The following KIR3DL2 variants were observed in gnomAD, a reference collection of about 807,000 sequenced individuals.
The protein encoded by KIR3DL2 is killer cell immunoglobulin-like receptor 3DL2.
A neutral mutation model predicts 41.6 loss-of-function variants in KIR3DL2; 42 were observed. The ratio of observed to expected loss-of-function variants is 1.01; its 90% CI spans 0.79 to 1.31. The LOEUF (loss-of-function observed/expected upper bound fraction) is 1.31. KIR3DL2 is among the 50% of genes most tolerant of loss of function. The probability of loss-of-function intolerance (pLI) is 0.00; values close to 1 mark genes in which losing one functional copy is unlikely to be tolerated. For missense variants in KIR3DL2, 728 were observed against 576.8 expected, an observed-to-expected ratio of 1.26 and a Z score of -2.68; for synonymous variants, 230 against 221.3, an observed-to-expected ratio of 1.04 and a Z score of -0.35.
chr19:54,855,803 TC>T lies in KIR3DL2; in HGVS notation c.842del (p.Pro281LeufsTer62), dbSNP rs2145619080. 5 of 1,613,242 alleles carry T rather than the reference TC, an allele frequency of 3.1e-6. No homozygotes were observed. Among genetic ancestry groups the T allele is most frequent in the Non-Finnish European group, 4.2e-6 (5 of 1,179,862 alleles). ...KVNRTFQADFPLGPATHGGTY... is the reference protein window; with the variant it reads ...KVNRTFQADFXLGPATHGGTY... ...TCAACAGAACATTCCAGGCAGACTT[TC>T]CTCTGGGCCCTGCCACCCACGGAGG... On this transcript the variant is annotated frameshift_variant, in exon 5 of 9. Coordinates refer to ENST00000326321, the MANE Select transcript of KIR3DL2 (RefSeq NM_006737.4). LOFTEE classifies it high-confidence loss of function.
chr19:54,855,556 A>T (rs2064678674), intron 4 of KIR3DL2, 63 bp from the exon 5 acceptor site: 1 of 1,577,928 alleles, frequency 6.3e-7, no homozygotes, highest in Admixed American at 2.0e-5. Flanking sequence ...TTCTCAGCTC[A>T]GGTATGAGGG....
intron 6 of KIR3DL2, among the ~76,000 whole-genome samples, chr19:54,863,041 T>G (rs1194289632): frequency 8.8e-6 from 1 of 113,310 alleles, no homozygotes; most frequent in Non-Finnish European, 1.7e-5. Context: ...GAGTGTGATG[T>G]TCCCCTTCCT....
intron 2 of KIR3DL2, among the ~76,000 whole-genome samples, chr19:54,851,728 T>C (rs113619194): frequency 0.028 from 4,251 of 151,808 alleles, 131 homozygotes; most frequent in Middle Eastern, 0.065. Context: ...ATGCCCTCCA[T>C]GCCGTGTCTA....
rs1268921382 is a variant in KIR3DL2, at chr19:54,852,299, CT to C, written c.355+18del. 2 of 1,600,718 alleles carry C rather than the reference CT, an allele frequency of 1.2e-6. No homozygotes were observed. Among genetic ancestry groups the C allele is most frequent in the African/African-American group, 2.7e-5 (2 of 73,958 alleles). On this transcript the variant is annotated intron_variant, in intron 3 of 8. Coordinates refer to ENST00000326321, the MANE Select transcript of KIR3DL2 (RefSeq NM_006737.4). ...TGGTCACAGGTCAGAGGCTTTCTGT[CT>C]GGGCTTCTCACTGTCCCACCTCCTG...
chr19:54,859,874 C>G (rs1374499090), intron 6 of KIR3DL2, among the ~76,000 whole-genome samples: 437 of 151,634 alleles, frequency 2.9e-3, no homozygotes, highest in African/African-American at 0.01. Context: ...TGTTCCTTGG[C>G]TCCTGGTACC....
chr19:54,866,155 G>A (rs2065497666), intron 7 of KIR3DL2, among the ~76,000 whole-genome samples: 3 of 152,064 alleles, frequency 2.0e-5, no homozygotes, highest in South Asian at 4.1e-4. Flanking sequence ...TTCCATGACA[G>A]GCAGAAAGTG....
chr19:54,856,044 G>T, intron 5 of KIR3DL2, 132 bp downstream of exon 5: 1 of 1,196,616 alleles, frequency 8.4e-7, no homozygotes, highest in Non-Finnish European at 1.2e-6. Flanking sequence ...GGGGGGGTCA[G>T]GGTGCAGGAT....
intron 1 of KIR3DL2, 125 bp downstream of exon 1, chr19:54,850,634 A>T: frequency 7.5e-7 from 1 of 1,337,412 alleles, no homozygotes; most frequent in South Asian, 1.2e-5. Context: ...GTGTGGAGAT[A>T]TGGGCCTGGA....
At chr19:54,862,683 C>T (rs2065255871) in intron 6 of KIR3DL2, among the ~76,000 whole-genome samples, 1 of 151,608 alleles carries the variant, frequency 6.6e-6, no homozygotes, top group Non-Finnish European at 1.5e-5. Context: ...ATGACGTCCT[C>T]CTCCAGGAAG....
intron 6 of KIR3DL2, among the ~76,000 whole-genome samples, chr19:54,861,597 G>A (rs2065186733): frequency 6.6e-6 from 1 of 151,276 alleles, no homozygotes; most frequent in South Asian, 2.1e-4. Flanking sequence ...TGCAGTGAGT[G>A]GAGATCGCAT....
rs765314732 is a variant in KIR3DL2, at chr19:54,865,881, C to T, written c.1077C>T (p.Leu359=). ...TCTTCATCCTCCTCCTCTTCTTTCT[C>T]CTTTATCGCTGGTGCTCCAACAAAA... is the stretch of plus-strand genomic sequence containing the variant. ...IFLFILLLFF[L]LYRWCSNKKN... is the part of the protein sequence containing the mutation. Residue 359 remains leucine, a synonymous_variant, in exon 7 of 9, where the codon CTC becomes CTT. Coordinates refer to ENST00000326321, the MANE Select transcript of KIR3DL2 (RefSeq NM_006737.4). The T allele has an allele frequency of 1.9e-6, 3 of 1,613,500 alleles. No individual in the cohort carries two copies. The highest frequency in any genetic ancestry group is 4.5e-5 in the East Asian group (2 of 44,892).
chr19:54,854,683 A>G (rs2064592652), intron 4 of KIR3DL2, among the ~76,000 whole-genome samples: 1 of 151,876 alleles, frequency 6.6e-6, no homozygotes, highest in Non-Finnish European at 1.5e-5. Flanking sequence ...GACTTCAAAA[A>G]GCAAAGGCAT....
At chr19:54,866,209 A>G (rs1333335257) in intron 7 of KIR3DL2, among the ~76,000 whole-genome samples, 161 bp from the exon 8 acceptor site, 1 of 152,024 alleles carries the variant, frequency 6.6e-6, no homozygotes, top group Non-Finnish European at 1.5e-5. Context: ...ACTTCATGGG[A>G]TGGGGTCTTG....
chr19:54,855,040 G>T, intron 4 of KIR3DL2, among the ~76,000 whole-genome samples: 1 of 52,826 alleles, frequency 1.9e-5, no homozygotes, highest in East Asian at 3.6e-3. Flanking sequence ...ATGATACATA[G>T]AGATGATGAT....
At chr19:54,860,136 T>C (rs1257466187) in intron 6 of KIR3DL2, among the ~76,000 whole-genome samples, 10 of 152,046 alleles carry the variant, frequency 6.6e-5, no homozygotes, top group Admixed American at 6.5e-5. Context: ...CATTCCTCCT[T>C]TCATGTAAAA....
chr19:54,855,125 C>A (rs2064634771), intron 4 of KIR3DL2, among the ~76,000 whole-genome samples: 1 of 150,470 alleles, frequency 6.6e-6, no homozygotes, highest in Admixed American at 6.6e-5. Flanking sequence ...GACTGACAGG[C>A]AGACAGAGAG....
In KIR3DL2 at chr19:54,855,223, G is replaced by A. The variant is rs376993382; in HGVS notation, c.656-396G>A. ...ACAGATAGACAATTGATAGATAAAT[G>A]ATACATAGATATAGATGACAGATAA... On this transcript the variant is annotated intron_variant, in intron 4 of 8. Transcript: ENST00000326321. Among the ~76,000 whole-genome samples, 46 of 151,342 alleles carry A rather than the reference G, an allele frequency of 3.0e-4. 1 individual carries two copies. The South Asian group carries it at 4.0e-3, about 13-fold the overall frequency.
At chr19:54,858,112 T>C (rs1247137026) in intron 5 of KIR3DL2, among the ~76,000 whole-genome samples, 2 of 151,666 alleles carry the variant, frequency 1.3e-5, no homozygotes, top group Non-Finnish European at 2.9e-5. Context: ...CTCTTCACTT[T>C]GTTGGTTTAT....
chr19:54,855,944 A>C (rs755083246), intron 5 of KIR3DL2, 32 bp downstream of exon 5: 16 of 1,610,572 alleles, frequency 9.9e-6, no homozygotes. Context: ...CCCATGTCTT[A>C]TGATCCTAGA....
Sources: gnomAD v4.1 joint callset for allele counts (sites outside exome capture counted in the v4.1 genomes callset) on GRCh38, gnomAD v4.1.1 for gene constraint, MANE v1.5 for transcripts, NCBI Gene and HGNC (gene_info 2026-07-23, HGNC 2026-07-21) for gene names.